The following GRM7 variants were observed in gnomAD, a reference collection of about 807,000 sequenced individuals.
GRM7 encodes metabotropic glutamate receptor 7.
A neutral mutation model predicts 84.5 loss-of-function variants in GRM7; 35 were observed. The ratio of observed to expected loss-of-function variants is 0.41; its 90% CI spans 0.32 to 0.55. GRM7 has a LOEUF of 0.55. Ranked by LOEUF, GRM7 falls within the 20% of genes least tolerant of loss-of-function variation. The pLI is 0.19. For missense variants in GRM7, 1,003 were observed against 1,194.6 expected, an observed-to-expected ratio of 0.84 and a Z score of 2.36; for synonymous variants, 487 against 455.1, an observed-to-expected ratio of 1.07 and a Z score of -0.89.
At chr3:7,679,809 A>G (rs986472928) in intron 8 of GRM7, among the ~76,000 whole-genome samples, 25 of 152,228 alleles carry the variant, frequency 1.6e-4, no homozygotes, top group Middle Eastern at 3.2e-3. Context: ...GAACTTTAAT[A>G]TAAGAGACTT....
chr3:7,525,154 T>C (rs1700744240), intron 7 of GRM7, among the ~76,000 whole-genome samples: 1 of 151,506 alleles, frequency 6.6e-6, no homozygotes. Flanking sequence ...TTAGGAGATA[T>C]ACCTAATGCT....
At chr3:7,637,610 G>A (rs1295567469) in intron 8 of GRM7, among the ~76,000 whole-genome samples, 2 of 152,176 alleles carry the variant, frequency 1.3e-5, no homozygotes, top group African/African-American at 4.8e-5. Context: ...TAGGTAAAGA[G>A]GAGGCACACC....
chr3:7,016,510 C>A (rs978433430), intron 1 of GRM7, among the ~76,000 whole-genome samples: 1 of 152,138 alleles, frequency 6.6e-6, no homozygotes, highest in East Asian at 1.9e-4. Context: ...ATGCTGTGAT[C>A]TAGAGAGTTT....
At chr3:7,197,212 C>G (rs1043860045) in intron 2 of GRM7, among the ~76,000 whole-genome samples, 6 of 152,182 alleles carry the variant, frequency 3.9e-5, no homozygotes, top group Non-Finnish European at 8.8e-5. Context: ...TTAGCCCAAA[C>G]TTGTGCTTAA....
chr3:7,444,391 A>G (rs1697418396), intron 5 of GRM7, among the ~76,000 whole-genome samples: 1 of 152,226 alleles, frequency 6.6e-6, no homozygotes, highest in Non-Finnish European at 1.5e-5. Context: ...AAAGCTTAGG[A>G]GAAGGAAATC....
chr3:7,095,140 C>G lies in GRM7; in HGVS notation c.520-51312C>G, dbSNP rs1309722139. ...CAACCTAGTAAATGTAAGAAAGAGA[C>G]TTGGTGAAAGTAAAAGGACTTTTCA... On this transcript the variant is annotated intron_variant, in intron 1 of 9. Transcript: ENST00000357716. Among the ~76,000 whole-genome samples the G allele has an allele frequency of 3.9e-5, 6 of 152,042 alleles. No homozygotes were observed. The East Asian group carries it at 1.2e-3, about 29-fold the overall frequency.
chr3:7,494,583 T>C (rs762153877), intron 7 of GRM7, among the ~76,000 whole-genome samples: 1 of 152,188 alleles, frequency 6.6e-6, no homozygotes, highest in Non-Finnish European at 1.5e-5. Context: ...GGGATTCTGA[T>C]AATACAAATA....
At chr3:7,605,118 A>G (rs551877306) in intron 8 of GRM7, among the ~76,000 whole-genome samples, 2 of 152,276 alleles carry the variant, frequency 1.3e-5, no homozygotes, top group South Asian at 2.1e-4. Context: ...AAATTTTGGT[A>G]TCATCTGAAA....
chr3:7,527,082 T>C (rs974371968), intron 7 of GRM7, among the ~76,000 whole-genome samples: 1 of 152,058 alleles, frequency 6.6e-6, no homozygotes, highest in African/African-American at 2.4e-5. Context: ...GGTAATTTGA[T>C]AGGAATAGCA....
At chr3:7,184,602 A>G (rs1157272368) in intron 2 of GRM7, among the ~76,000 whole-genome samples, 1 of 152,070 alleles carries the variant, frequency 6.6e-6, no homozygotes, top group Non-Finnish European at 1.5e-5. Flanking sequence ...TTCTCTCTCC[A>G]TGAATGTGTC....
intron 2 of GRM7, among the ~76,000 whole-genome samples, chr3:7,155,767 C>T (rs1694428371): frequency 6.6e-6 from 1 of 152,094 alleles, no homozygotes; most frequent in African/African-American, 2.4e-5. Flanking sequence ...GTAGCACTCT[C>T]AGTCAAGCTG....
At chr3:6,952,767 A>G (rs1692842811) in intron 1 of GRM7, among the ~76,000 whole-genome samples, 1 of 152,178 alleles carries the variant, frequency 6.6e-6, no homozygotes, top group South Asian at 2.1e-4. Context: ...TCCAGCCCCT[A>G]TTACTCTAAT....
chr3:7,074,665 A>G (rs577661059), intron 1 of GRM7, among the ~76,000 whole-genome samples: 11 of 152,234 alleles, frequency 7.2e-5, no homozygotes, highest in Admixed American at 4.6e-4. Context: ...TTGTTCTATA[A>G]TAATCAGTGA....
At chr3:7,738,138 C>A (rs1379753496) in intron 9 of GRM7, among the ~76,000 whole-genome samples, 1 of 152,138 alleles carries the variant, frequency 6.6e-6, no homozygotes, top group Non-Finnish European at 1.5e-5. Flanking sequence ...CATGAGCAAC[C>A]ATACCCGGCC....
intron 9 of GRM7, among the ~76,000 whole-genome samples, chr3:7,713,182 G>A (rs577053565): frequency 1.4e-4 from 19 of 140,282 alleles, no homozygotes; most frequent in South Asian, 1.1e-3. Flanking sequence ...ACCCAGGCTG[G>A]AGTGCAGTGG....
intron 8 of GRM7, among the ~76,000 whole-genome samples, chr3:7,615,186 T>C (rs1697027457): frequency 1.3e-5 from 2 of 152,206 alleles, no homozygotes; most frequent in South Asian, 2.1e-4. Flanking sequence ...TGTGTGTATA[T>C]GTGTGTATTC....
At chr3:7,728,374 A>C (rs79906336) in intron 9 of GRM7, among the ~76,000 whole-genome samples, 1 of 152,210 alleles carries the variant, frequency 6.6e-6, no homozygotes, top group Non-Finnish European at 1.5e-5. Flanking sequence ...GTTTCAAACT[A>C]TATACCTACA....
chr3:7,005,230 G>C (rs934559137), intron 1 of GRM7, among the ~76,000 whole-genome samples: 1 of 152,168 alleles, frequency 6.6e-6, no homozygotes, highest in African/African-American at 2.4e-5. Context: ...CTCAGGGCTA[G>C]GCTACCTTCT....
At chr3:7,237,753 C>T (rs145736778) in intron 2 of GRM7, among the ~76,000 whole-genome samples, 43 of 152,316 alleles carry the variant, frequency 2.8e-4, no homozygotes, top group African/African-American at 8.7e-4. Flanking sequence ...TGGGTTGCCA[C>T]TGCTGGCTCC....
Sources: allele counts gnomAD v4.1 joint callset (sites outside exome capture counted in the v4.1 genomes callset), GRCh38; gene constraint gnomAD v4.1.1; transcripts MANE v1.5; gene names NCBI Gene and HGNC (gene_info 2026-07-23, HGNC 2026-07-21).